GABBR2: variants seen among roughly 807,000 people sequenced by gnomAD.
GABBR2 encodes the protein G-protein coupled receptor 51.
Under a neutral mutation model 105.6 loss-of-function variants are expected in GABBR2, and 23 were observed. That is an observed-to-expected ratio of 0.22 (90% confidence interval 0.16 to 0.31). The LOEUF (loss-of-function observed/expected upper bound fraction) is 0.31, where lower values mean the gene tolerates loss of function less well. Among genes scored for constraint, GABBR2 ranks in the 10% least tolerant of loss-of-function variants. The probability of loss-of-function intolerance (pLI) is 1.00; values close to 1 mark genes in which losing one functional copy is unlikely to be tolerated. For missense variants in GABBR2, 734 were observed against 1,245.5 expected, an observed-to-expected ratio of 0.59 and a Z score of 6.18; for synonymous variants, 478 against 499.7, an observed-to-expected ratio of 0.96 and a Z score of 0.58.
At chr9:98,370,186 G>A (rs1021006434) in intron 12 of GABBR2, among the ~76,000 whole-genome samples, 2 of 152,140 alleles carry the variant, frequency 1.3e-5, no homozygotes, top group Non-Finnish European at 2.9e-5. Context: ...ATGGGTGAGG[G>A]AGAGTTTGTG....
intron 1 of GABBR2, chr9:98,607,682 A>T (rs1342894321): frequency 1.3e-6 from 1 of 748,136 alleles, no homozygotes; most frequent in Non-Finnish European, 2.5e-6. Context: ...ATTCTAAGAA[A>T]TATGTTGATA....
chr9:98,612,150 T>C (rs188121948), intron 1 of GABBR2, among the ~76,000 whole-genome samples: 1 of 152,134 alleles, frequency 6.6e-6, no homozygotes, highest in Non-Finnish European at 1.5e-5. Flanking sequence ...GTTCAGCCAG[T>C]AGAAGGGCCC....
At chr9:98,395,091 A>C (rs912918839) in intron 8 of GABBR2, among the ~76,000 whole-genome samples, 2 of 152,230 alleles carry the variant, frequency 1.3e-5, no homozygotes, top group African/African-American at 4.8e-5. Flanking sequence ...GTCATCGTCA[A>C]GGATAAAGAT....
intron 1 of GABBR2, among the ~76,000 whole-genome samples, chr9:98,656,353 A>G (rs576342811): frequency 1.1e-4 from 17 of 152,214 alleles, no homozygotes; most frequent in Non-Finnish European, 2.1e-4. Context: ...GCAGAACTAA[A>G]TGGAAGGTGC....
At chr9:98,616,310 G>T (rs959922704) in intron 1 of GABBR2, among the ~76,000 whole-genome samples, 3 of 152,162 alleles carry the variant, frequency 2.0e-5, no homozygotes, top group Non-Finnish European at 4.4e-5. Context: ...CTTGCTGCTG[G>T]CTATCAACCC....
At chr9:98,423,799 G>C (rs1473428963) in intron 7 of GABBR2, among the ~76,000 whole-genome samples, 1 of 152,174 alleles carries the variant, frequency 6.6e-6, no homozygotes, top group Non-Finnish European at 1.5e-5. Context: ...GTAAGGAAGG[G>C]ATCCAGTTTC....
At chr9:98,544,007 G>A (rs1023123213) in intron 2 of GABBR2, among the ~76,000 whole-genome samples, 8 of 151,962 alleles carry the variant, frequency 5.3e-5, no homozygotes, top group African/African-American at 1.9e-4. Context: ...TAGTCTGTCT[G>A]TCCTCCCTCC....
At chr9:98,409,296 G>A (rs933297336) in intron 7 of GABBR2, among the ~76,000 whole-genome samples, 13 of 152,338 alleles carry the variant, frequency 8.5e-5, no homozygotes, top group African/African-American at 2.6e-4. Context: ...GTGATTTCAG[G>A]TTGGAGAAGA....
intron 13 of GABBR2, among the ~76,000 whole-genome samples, chr9:98,318,528 G>A (rs1415234805): frequency 6.6e-6 from 1 of 152,164 alleles, no homozygotes; most frequent in African/African-American, 2.4e-5. Context: ...AGGGGTGGGC[G>A]AGGCAACAGG....
intron 7 of GABBR2, among the ~76,000 whole-genome samples, chr9:98,445,037 C>CT (rs1165031469): frequency 6.6e-6 from 1 of 152,152 alleles, no homozygotes; most frequent in Non-Finnish European, 1.5e-5. Context: ...TTGAAAAAGT[C>CT]TTTTTAGTTT....
At chr9:98,541,628 G>A (rs1371423381) in intron 3 of GABBR2, among the ~76,000 whole-genome samples, 2 of 152,158 alleles carry the variant, frequency 1.3e-5, no homozygotes, top group Non-Finnish European at 2.9e-5. Flanking sequence ...GCCACACGAG[G>A]TAGCCAATAA....
chr9:98,687,376 G>A (rs1830632751), intron 1 of GABBR2, among the ~76,000 whole-genome samples: 2 of 152,178 alleles, frequency 1.3e-5, no homozygotes, highest in South Asian at 4.1e-4. Context: ...TGTGAAGGAC[G>A]AGGAATTTGA....
intron 1 of GABBR2, among the ~76,000 whole-genome samples, chr9:98,648,507 GC>G (rs1830061440): frequency 6.6e-6 from 1 of 152,126 alleles, no homozygotes; most frequent in African/African-American, 2.4e-5. Context: ...CTTCAAATTT[GC>G]CGCTTTAAGG....
rs139594158 is a variant in GABBR2, at chr9:98,578,064, G to A, written c.330C>T (p.Asn110=). 190 of 1,613,680 alleles carry A rather than the reference G, an allele frequency of 1.2e-4. No individual in the cohort carries two copies. Among genetic ancestry groups the A allele is most frequent in the African/African-American group, 6.1e-4 (46 of 75,010 alleles). ...DLRLYDTECD[N]AKGLKAFYDA... is the part of the protein sequence containing the mutation. ...CGTAGAAGGCTTTCAACCCTTTTGC[G>A]TTGTCGCACTGGGAAGCAACACATA... Residue 110 remains asparagine (N), a synonymous_variant, in exon 2 of 19, where the codon AAC becomes AAT. Transcript: ENST00000259455.
At chr9:98,600,124 GA>G (rs1330940988) in intron 1 of GABBR2, among the ~76,000 whole-genome samples, 1 of 152,108 alleles carries the variant, frequency 6.6e-6, no homozygotes. Context: ...GAAAAAATAA[GA>G]AGAACAAGGA....
chr9:98,651,104 T>G (rs1001531935), intron 1 of GABBR2, among the ~76,000 whole-genome samples: 3 of 151,542 alleles, frequency 2.0e-5, no homozygotes, highest in Non-Finnish European at 4.4e-5. Flanking sequence ...ATCAAGATTA[T>G]ACACACACAC....
At chr9:98,648,747 A>G (rs571234881) in intron 1 of GABBR2, among the ~76,000 whole-genome samples, 1 of 152,282 alleles carries the variant, frequency 6.6e-6, no homozygotes, top group East Asian at 1.9e-4. Flanking sequence ...CACAGAATGA[A>G]CCTTTCGAGA....
intron 1 of GABBR2, among the ~76,000 whole-genome samples, chr9:98,656,487 T>C (rs1222495765): frequency 6.6e-6 from 1 of 152,174 alleles, no homozygotes; most frequent in Non-Finnish European, 1.5e-5. Context: ...AGTGGGCAAG[T>C]ACTTCAACAT....
chr9:98,370,418 A>G (rs1831757882), intron 12 of GABBR2, among the ~76,000 whole-genome samples: 1 of 152,190 alleles, frequency 6.6e-6, no homozygotes, highest in African/African-American at 2.4e-5. Flanking sequence ...AGTAAGCCCA[A>G]TGCCAGCTCT....
Sources: allele counts gnomAD v4.1 joint callset (sites outside exome capture counted in the v4.1 genomes callset), GRCh38; gene constraint gnomAD v4.1.1; transcripts MANE v1.5; gene names NCBI Gene and HGNC (gene_info 2026-07-23, HGNC 2026-07-21).